The following CPED1 variants were observed in gnomAD, a reference collection of about 807,000 sequenced individuals.
CPED1 encodes the protein cadherin-like and PC-esterase domain-containing protein 1.
Under a neutral mutation model 128.2 loss-of-function variants are expected in CPED1, and 114 were observed. That is an observed-to-expected ratio of 0.89 (90% CI 0.76 to 1.04). The LOEUF (loss-of-function observed/expected upper bound fraction) is 1.04. CPED1 is among the 50% of genes least tolerant of loss of function. CPED1 has a pLI of 0.00. For missense variants in CPED1, 1,211 were observed against 1,207.1 expected, an observed-to-expected ratio of 1.00 and a Z score of -0.05; for synonymous variants, 462 against 426.7, an observed-to-expected ratio of 1.08 and a Z score of -1.02.
At position 121,015,723 on chromosome 7, in the gene CPED1, G is replaced by T. The variant is rs1439816560; in HGVS notation, c.308G>T (p.Arg103Met). Residue 103 changes from arginine to methionine, a missense_variant, in exon 3 of 23, where the codon AGG (arginine) becomes ATG (methionine). Transcript: ENST00000310396. ...GSHGRRAILY[R>M]PPFYSKTELQ... ...CATGGCCGAAGGGCCATACTCTACA[G>T]GCCTCCTTTCTACAGCAAAACAGAG... The T allele has an allele frequency of 6.2e-7, 1 of 1,611,674 alleles. No individual in the cohort carries two copies. The highest frequency in any genetic ancestry group is 8.5e-7 in the Non-Finnish European group (1 of 1,179,236).
chr7:121,098,793 A>AATAT (rs1563024911), intron 6 of CPED1, among the ~76,000 whole-genome samples: 1 of 124,474 alleles, frequency 8.0e-6, no homozygotes, highest in Non-Finnish European at 1.7e-5. Context: ...AATATATAAA[A>AATAT]ATATATATAA....
At chr7:121,056,514 C>A (rs897440670) in intron 4 of CPED1, among the ~76,000 whole-genome samples, 4 of 152,162 alleles carry the variant, frequency 2.6e-5, no homozygotes, top group Admixed American at 1.3e-4. Flanking sequence ...ACACTCAGTA[C>A]CTTTTCCATT....
chr7:121,134,835 T>A (rs563849591), intron 13 of CPED1, among the ~76,000 whole-genome samples: 37 of 152,098 alleles, frequency 2.4e-4, no homozygotes, highest in African/African-American at 8.9e-4. Flanking sequence ...CCATTTAAAA[T>A]CTAAGAAAAG....
chr7:121,172,693 G>GATAGATAGATAT, intron 16 of CPED1, among the ~76,000 whole-genome samples: 1 of 151,560 alleles, frequency 6.6e-6, no homozygotes, highest in Non-Finnish European at 1.5e-5. Context: ...TAGATAGATA[G>GATAGATAGATAT]ATAGATAGAT....
rs6969892 is a variant in CPED1 at position 121,070,958 on chromosome 7, A to C, written c.616+6645A>C. Among the ~76,000 whole-genome samples, 1,357 of 152,276 alleles carry C rather than the reference A, an allele frequency of 8.9e-3. 18 individuals are homozygous for C. The highest frequency in any genetic ancestry group is 0.029 in the African/African-American group (1,222 of 41,552). ...ACTCTTTGATGTTCTGACTTGATCC[A>C]GGGACAGATTTTATCTAGAATAGGA... On this transcript the variant is annotated intron_variant, in intron 5 of 22. Coordinates refer to ENST00000310396, the MANE Select transcript of CPED1 (RefSeq NM_024913.5).
chr7:121,041,309 C>T (rs1793046338), intron 3 of CPED1, among the ~76,000 whole-genome samples: 2 of 151,930 alleles, frequency 1.3e-5, no homozygotes, highest in South Asian at 4.2e-4. Flanking sequence ...TAGCAGTAAA[C>T]AAAATAGATA....
chr7:121,044,650 C>CTTTTTTTT (rs58884492), intron 3 of CPED1, among the ~76,000 whole-genome samples: 6 of 106,044 alleles, frequency 5.7e-5, no homozygotes, highest in African/African-American at 2.0e-4. Flanking sequence ...ACTTTCTGCT[C>CTTTTTTTT]TTTTTTTTTT....
At chr7:121,148,234 A>G (rs1112208) in intron 16 of CPED1, among the ~76,000 whole-genome samples, 65,479 of 152,080 alleles carry the variant, frequency 0.43, 15,599 homozygotes, top group East Asian at 0.84. Flanking sequence ...AGTAACATTT[A>G]TTAAGTACCC....
intron 6 of CPED1, among the ~76,000 whole-genome samples, chr7:121,098,672 C>A (rs2116216681): frequency 6.7e-6 from 1 of 149,830 alleles, no homozygotes; most frequent in East Asian, 2.0e-4. Context: ...GTGGAGGCTG[C>A]AGTGAGCTGT....
intron 5 of CPED1, among the ~76,000 whole-genome samples, chr7:121,067,810 C>T (rs1363196180): frequency 1.3e-5 from 2 of 152,202 alleles, no homozygotes; most frequent in African/African-American, 2.4e-5. Flanking sequence ...GCCATTCTAA[C>T]TGGTGTGAGA....
intron 7 of CPED1, among the ~76,000 whole-genome samples, chr7:121,111,717 GA>G (rs1795113908): frequency 6.6e-6 from 1 of 151,428 alleles, no homozygotes; most frequent in East Asian, 1.9e-4. Context: ...AAATAAAAAA[GA>G]AAAAACACAT....
At chr7:121,061,652 A>T (rs1219556196) in intron 4 of CPED1, among the ~76,000 whole-genome samples, 5 of 152,174 alleles carry the variant, frequency 3.3e-5, no homozygotes, top group Non-Finnish European at 7.4e-5. Flanking sequence ...AAATAATTGC[A>T]ATGTTAAGCT....
chr7:121,206,073 G>A lies in CPED1; in HGVS notation c.2056-30641G>A, dbSNP rs147920904. Among the ~76,000 whole-genome samples the A allele has an allele frequency of 2.1e-4, 32 of 152,032 alleles. No individual in the cohort carries two copies. In the East Asian group the frequency reaches 4.8e-3, roughly 23 times the overall value. Reference sequence around the variant, plus strand: ...AGGCAACAGTAACCTCCCTTCTTCTGCCTTGAAATTTAAGTTATGTCAACA... The same window carrying A: ...AGGCAACAGTAACCTCCCTTCTTCTACCTTGAAATTTAAGTTATGTCAACA... On this transcript the variant is annotated intron_variant, in intron 16 of 22. Coordinates refer to ENST00000310396, the MANE Select transcript of CPED1 (RefSeq NM_024913.5).
intron 4 of CPED1, among the ~76,000 whole-genome samples, chr7:121,053,354 A>G (rs1413601483): frequency 6.6e-6 from 1 of 152,008 alleles, no homozygotes. Flanking sequence ...TTTGAAGAGT[A>G]CTGGTCAGGT....
At chr7:121,085,605 C>T (rs1794404694) in intron 5 of CPED1, among the ~76,000 whole-genome samples, 1 of 152,132 alleles carries the variant, frequency 6.6e-6, no homozygotes. Flanking sequence ...TTGGGCTTCT[C>T]TTGCCATCTA....
At chr7:121,236,655 T>C in intron 16 of CPED1, 59 bp from the exon 17 acceptor site, 1 of 1,054,346 alleles carries the variant, frequency 9.5e-7, no homozygotes, top group South Asian at 1.8e-5. Context: ...TTTTTTAGAT[T>C]TTATTATTAT....
intron 16 of CPED1, among the ~76,000 whole-genome samples, chr7:121,234,275 C>A (rs1341377382): frequency 1.3e-5 from 2 of 151,986 alleles, no homozygotes; most frequent in Non-Finnish European, 2.9e-5. Flanking sequence ...CAGCCTTCAC[C>A]ATTTTGTAAT....
intron 14 of CPED1, among the ~76,000 whole-genome samples, chr7:121,139,425 A>G (rs957719617): frequency 2.6e-5 from 4 of 151,912 alleles, no homozygotes; most frequent in Admixed American, 2.0e-4. Flanking sequence ...GTATTAGTCC[A>G]TAATGGGAGC....
chr7:121,014,626 T>A (rs539878829), intron 2 of CPED1, among the ~76,000 whole-genome samples: 126 of 151,502 alleles, frequency 8.3e-4, no homozygotes, highest in Non-Finnish European at 1.3e-3. Flanking sequence ...TGGGAAATAA[T>A]GAAGACATTT....
Sources: allele counts gnomAD v4.1 joint callset (sites outside exome capture counted in the v4.1 genomes callset), GRCh38; gene constraint gnomAD v4.1.1; transcripts MANE v1.5; gene names NCBI Gene and HGNC (gene_info 2026-07-23, HGNC 2026-07-21).